The following NRXN3 variants were observed in gnomAD, a reference collection of about 807,000 sequenced individuals.
The protein encoded by NRXN3 is neurexin III.
A neutral mutation model predicts 137.6 loss-of-function variants in NRXN3; 32 were observed. That is an observed-to-expected ratio of 0.23 (90% CI 0.18 to 0.31). The LOEUF (loss-of-function observed/expected upper bound fraction) is 0.31, where lower values mean the gene tolerates loss of function less well. Ranked by LOEUF, NRXN3 falls within the 10% of genes least tolerant of loss-of-function variation. The probability of loss-of-function intolerance (pLI) is 1.00; values close to 1 mark genes in which losing one functional copy is unlikely to be tolerated. For synonymous variants in NRXN3, 798 were observed against 784.5 expected, an observed-to-expected ratio of 1.02 and a Z score of -0.29; for missense variants, 1,574 against 2,062.5, an observed-to-expected ratio of 0.76 and a Z score of 4.59.
intron 15 of NRXN3, among the ~76,000 whole-genome samples, chr14:79,335,942 G>A (rs2092227290): frequency 6.6e-6 from 1 of 152,054 alleles, no homozygotes; most frequent in African/African-American, 2.4e-5. Context: ...ACTCAAGTGG[G>A]CCATTTGCTT....
At chr14:79,332,182 A>G (rs994947642) in intron 15 of NRXN3, among the ~76,000 whole-genome samples, 2 of 152,212 alleles carry the variant, frequency 1.3e-5, no homozygotes, top group Admixed American at 1.3e-4. Context: ...GCAAATTAAA[A>G]TGCCGTTACT....
intron 20 of NRXN3, among the ~76,000 whole-genome samples, chr14:79,834,895 G>A (rs1489557912): frequency 6.6e-6 from 1 of 152,036 alleles, no homozygotes; most frequent in African/African-American, 2.4e-5. Flanking sequence ...CATGCCACCA[G>A]TGACAATACG....
chr14:79,034,125 A>G (rs755113103), intron 15 of NRXN3, among the ~76,000 whole-genome samples: 1 of 152,034 alleles, frequency 6.6e-6, no homozygotes, highest in Non-Finnish European at 1.5e-5. Flanking sequence ...GAGCCTCAAC[A>G]TGTGCCTTCT....
intron 4 of NRXN3, among the ~76,000 whole-genome samples, chr14:78,569,125 G>A (rs1484602662): frequency 1.3e-5 from 2 of 151,240 alleles, no homozygotes; most frequent in Admixed American, 6.6e-5. Context: ...CAGCCACCAC[G>A]CCTGGCTAAT....
intron 15 of NRXN3, among the ~76,000 whole-genome samples, chr14:79,159,460 AG>A (rs1376147982): frequency 2.6e-5 from 4 of 151,868 alleles, no homozygotes; most frequent in Non-Finnish European, 4.4e-5. Flanking sequence ...GAACCAATTG[AG>A]GTGTCTATGG....
At chr14:78,721,288 C>T (rs912735587) in intron 8 of NRXN3, among the ~76,000 whole-genome samples, 4 of 152,238 alleles carry the variant, frequency 2.6e-5, no homozygotes, top group African/African-American at 4.8e-5. Context: ...GGGGAATCTG[C>T]GTTATGGCTG....
At chr14:78,247,616 G>A (rs6574430) in intron 2 of NRXN3, among the ~76,000 whole-genome samples, 16,990 of 152,034 alleles carry the variant, frequency 0.11, 2,210 homozygotes, top group African/African-American at 0.32. Flanking sequence ...TGTATATCTT[G>A]TTTGGAATAT....
chr14:78,335,222 G>A (rs1318937159), intron 4 of NRXN3, among the ~76,000 whole-genome samples: 4 of 152,166 alleles, frequency 2.6e-5, no homozygotes, highest in South Asian at 4.1e-4. Context: ...TTAAGTGGTG[G>A]GCAGTGGCTC....
intron 15 of NRXN3, among the ~76,000 whole-genome samples, chr14:79,178,072 A>T (rs1306479945): frequency 2.0e-5 from 3 of 152,218 alleles, no homozygotes; most frequent in Non-Finnish European, 4.4e-5. Context: ...GGTATCCTCA[A>T]CCTGTGTGTA....
At chr14:78,498,911 C>T (rs1358404734) in intron 4 of NRXN3, among the ~76,000 whole-genome samples, 1 of 151,988 alleles carries the variant, frequency 6.6e-6, no homozygotes, top group Admixed American at 6.6e-5. Context: ...CAGGCATGAA[C>T]CACTGTGGCT....
intron 8 of NRXN3, 129 bp from the exon 9 acceptor site, chr14:78,803,491 G>T (rs186488556): frequency 2.8e-5 from 22 of 794,468 alleles, no homozygotes; most frequent in East Asian, 2.2e-4. Flanking sequence ...AACAACAAGG[G>T]TTCATCAAAC....
chr14:78,890,888 A>G (rs1027647384), intron 10 of NRXN3, among the ~76,000 whole-genome samples: 2 of 151,950 alleles, frequency 1.3e-5, no homozygotes, highest in African/African-American at 4.8e-5. Context: ...CAATCATTCA[A>G]TAACAGAAGC....
In NRXN3 at chr14:78,785,831, G is replaced by A. The variant is rs559543939; in HGVS notation, c.2045-17789G>A. ...CTCCATGTTTATGAATAAATGAATCGAGACACAGTTGTTGGATACCTCACA... is the reference window on the plus strand; with the variant it reads ...CTCCATGTTTATGAATAAATGAATCAAGACACAGTTGTTGGATACCTCACA... On this transcript the variant is annotated intron_variant, in intron 8 of 20. Transcript: ENST00000335750. Among the ~76,000 whole-genome samples, 15 of 152,154 alleles carry A rather than the reference G, an allele frequency of 9.9e-5. No individual in the cohort carries two copies. In the East Asian group the frequency reaches 1.4e-3, roughly 14 times the overall value.
At chr14:79,848,618 C>T (rs919017142) in intron 20 of NRXN3, among the ~76,000 whole-genome samples, 5 of 152,126 alleles carry the variant, frequency 3.3e-5, no homozygotes, top group Non-Finnish European at 7.4e-5. Context: ...AAAAAATCAT[C>T]TGTGTACCAG....
intron 15 of NRXN3, among the ~76,000 whole-genome samples, chr14:79,450,773 C>G (rs1009015413): frequency 2.0e-5 from 3 of 151,324 alleles, no homozygotes; most frequent in Non-Finnish European, 2.9e-5. Context: ...GGCTGAGGCA[C>G]GAGAATCACT....
At chr14:78,204,897 C>T (rs1187610854) in intron 1 of NRXN3, among the ~76,000 whole-genome samples, 3 of 143,874 alleles carry the variant, frequency 2.1e-5, no homozygotes, top group Non-Finnish European at 3.2e-5. Context: ...AGCCTTTTCA[C>T]GTTCTTTGAG....
intron 15 of NRXN3, among the ~76,000 whole-genome samples, chr14:79,405,964 GAATA>G (rs1425915302): frequency 6.6e-6 from 1 of 152,100 alleles, no homozygotes. Context: ...AGTATTTAAT[GAATA>G]CCTTCTACAT....
chr14:79,668,609 C>T (rs2153993564), intron 17 of NRXN3, among the ~76,000 whole-genome samples: 1 of 152,196 alleles, frequency 6.6e-6, no homozygotes, highest in Non-Finnish European at 1.5e-5. Flanking sequence ...AACATATTCT[C>T]AAATGGAAAT....
At chr14:78,806,094 C>G (rs898884827) in intron 9 of NRXN3, among the ~76,000 whole-genome samples, 3 of 137,922 alleles carry the variant, frequency 2.2e-5, no homozygotes, top group Admixed American at 7.8e-5. Context: ...CAATTTCAAT[C>G]TAGCTCCTGC....
Sources: gnomAD v4.1 joint callset for allele counts (sites outside exome capture counted in the v4.1 genomes callset) on GRCh38, gnomAD v4.1.1 for gene constraint, MANE v1.5 for transcripts, NCBI Gene and HGNC (gene_info 2026-07-23, HGNC 2026-07-21) for gene names.